Variants in TARDBP observed in about 807,000 individuals in gnomAD.
TARDBP encodes the protein TAR DNA-binding protein 43.
In TARDBP, 4 loss-of-function variants were observed where a neutral mutation model predicts 38.3. The ratio of observed to expected loss-of-function variants is 0.10; its 90% CI spans 0.05 to 0.24. The LOEUF is 0.24. Among genes scored for constraint, TARDBP ranks in the 10% least tolerant of loss-of-function variants. The pLI is 1.00. For synonymous variants in TARDBP, 184 were observed against 183.8 expected (o/e 1.00, Z -0.01); for missense variants, 202 against 521.9 (o/e 0.39, Z 5.97).
Position 11,024,973 on chromosome 1 carries a change from T to G in TARDBP, c.*2319T>G, listed in dbSNP as rs1557662346. The G allele has an allele frequency of 6.6e-6, 1 of 152,622 alleles. No homozygotes were observed. The highest frequency in any genetic ancestry group is 1.5e-5 in the Non-Finnish European group (1 of 68,036). The allele number at this position is 152,622 out of a possible 1,614,324, so 9.5% of individuals were successfully genotyped here. On this transcript the variant is annotated 3_prime_UTR_variant, in exon 6 of 6. Coordinates refer to ENST00000240185, the MANE Select transcript of TARDBP (RefSeq NM_007375.4). ...TAAACATTTATCAATGAAGTCATCC[T>G]TTAGACTTGTAATCGCCACATTGTT...
intron 4 of TARDBP, among the ~76,000 whole-genome samples, chr1:11,020,158 C>T (rs1643607997): frequency 6.6e-6 from 1 of 152,138 alleles, no homozygotes; most frequent in Admixed American, 6.5e-5. Flanking sequence ...CCACACCTGG[C>T]CACGATGATG....
At chr1:11,020,633 G>A in intron 5 of TARDBP, 34 bp downstream of exon 5, 1 of 1,599,290 alleles carries the variant, frequency 6.3e-7, no homozygotes, top group Non-Finnish European at 8.5e-7. Context: ...TCCCGGCCGG[G>A]CGTGGTGGCT....
chr1:11,027,052 C>A, downstream of TARDBP: 1 of 1,593,546 alleles, frequency 6.3e-7, no homozygotes, highest in African/African-American at 1.3e-5. Context: ...CCTCCGCTGT[C>A]ACCTCTGCAG....
rs1423544712 is a variant in TARDBP at position 11,025,040 on chromosome 1, TA to T, written c.*2388del. On this transcript the variant is annotated 3_prime_UTR_variant, in exon 6 of 6. Coordinates refer to ENST00000240185, the MANE Select transcript of TARDBP (RefSeq NM_007375.4). ...TCTGTAAAGGGATCTTGAGTTGTTTTAATTTTTTTTTTCTGCATCTGAATCT... is the reference window on the plus strand; with the variant it reads ...TCTGTAAAGGGATCTTGAGTTGTTTTATTTTTTTTTTCTGCATCTGAATCT... 1 of 152,652 alleles carries T rather than the reference TA, an allele frequency of 6.6e-6. No individual in the cohort carries two copies. Among genetic ancestry groups the T allele is most frequent in the Non-Finnish European group, 1.5e-5 (1 of 68,044 alleles). 9.5% of individuals were successfully genotyped at this position (152,652 alleles called of 1,614,324 possible). A position where few individuals can be genotyped will look rare whatever the true frequency, so the allele number is the denominator to read the frequency against.
intron 1 of TARDBP, 117 bp from the exon 2 acceptor site, chr1:11,013,599 A>C: frequency 1.2e-6 from 1 of 848,708 alleles, no homozygotes; most frequent in Non-Finnish European, 1.9e-6. Context: ...TGCATATACG[A>C]ATCCAGACAA....
downstream of TARDBP, chr1:11,026,807 G>T: frequency 1.6e-6 from 2 of 1,263,944 alleles, no homozygotes; most frequent in Non-Finnish European, 2.1e-6. Flanking sequence ...AATGATGAAT[G>T]CTTCTCGAGC....
At chr1:11,026,931 AC>A, downstream of TARDBP, 1 of 1,507,808 alleles carries the variant, frequency 6.6e-7, no homozygotes, top group Non-Finnish European at 8.9e-7. Flanking sequence ...ATAGTTAATA[AC>A]TTTTGTGTAG....
rs1174019163 is a variant in TARDBP at position 11,012,743 on chromosome 1, G to A, written c.-13G>A. 1.3e-5 allele frequency: 2 copies of A among 152,326 alleles called. No homozygotes were observed. Among genetic ancestry groups the A allele is most frequent in the African/African-American group, 4.8e-5 (2 of 41,476 alleles). The allele number at this position is 152,326 out of a possible 1,614,324, so 9.4% of individuals were successfully genotyped here. ...CGGGCTTCCCAGCAGCGGCCTAGCGGGTGAGTCGCGGAGCCTTCTCACTGA... is the reference window on the plus strand; with the variant it reads ...CGGGCTTCCCAGCAGCGGCCTAGCGAGTGAGTCGCGGAGCCTTCTCACTGA... On this transcript the variant is annotated splice_region_variant and 5_prime_UTR_variant, in exon 1 of 6. Coordinates refer to ENST00000240185, the MANE Select transcript of TARDBP (RefSeq NM_007375.4).
intron 5 of TARDBP, among the ~76,000 whole-genome samples, chr1:11,021,041 T>C (rs952580879): frequency 2.0e-5 from 3 of 152,230 alleles, no homozygotes; most frequent in Non-Finnish European, 4.4e-5. Flanking sequence ...ATGTTTGTGA[T>C]ACCTGTATCT....
chr1:11,012,881 G>A (rs1014950205), intron 1 of TARDBP, 138 bp downstream of exon 1: 4 of 152,358 alleles, frequency 2.6e-5, no homozygotes, highest in African/African-American at 4.8e-5. Context: ...CTGCCCGAGC[G>A]GGCTCGCGCG....
At chr1:11,028,158 G>T (rs1643772040), downstream of TARDBP, among the ~76,000 whole-genome samples, 1 of 151,906 alleles carries the variant, frequency 6.6e-6, no homozygotes, top group Admixed American at 6.6e-5. Context: ...GGAGGCGGAG[G>T]TTGCAGTAAG....
In TARDBP at chr1:11,016,829, G is replaced by T; in HGVS notation, c.239-15G>T. ...AAGTGAAGATTTCTAAAAGGTTTCT[G>T]CTCGTTTTATTTAGATAACAAAAGA... On this transcript the variant is annotated splice_polypyrimidine_tract_variant and intron_variant, in intron 2 of 5. Transcript: ENST00000240185. The T allele has an allele frequency of 1.2e-6, 2 of 1,613,336 alleles. No homozygotes were observed. Among genetic ancestry groups the T allele is most frequent in the Non-Finnish European group, 1.7e-6 (2 of 1,179,888 alleles).
chr1:11,020,317 A>T, intron 4 of TARDBP, 112 bp from the exon 5 acceptor site: 2 of 1,296,566 alleles, frequency 1.5e-6, no homozygotes, highest in Non-Finnish European at 2.2e-6. Context: ...TCTACTTTTT[A>T]ATGGTTCACT....
At chr1:11,014,508 A>C (rs1027749724) in intron 2 of TARDBP, among the ~76,000 whole-genome samples, 9 of 152,234 alleles carry the variant, frequency 5.9e-5, no homozygotes, top group African/African-American at 1.4e-4. Context: ...TGTGCCAAGG[A>C]AATACCTAAT....
At chr1:11,027,300 G>A (rs561094721), downstream of TARDBP, 84 of 1,613,910 alleles carry the variant, frequency 5.2e-5, no homozygotes, top group Non-Finnish European at 6.6e-5. Context: ...ACAAATAGGC[G>A]TGATGTTGCT....
At chr1:11,027,295 T>A, downstream of TARDBP, 1 of 1,613,966 alleles carries the variant, frequency 6.2e-7, no homozygotes, top group Non-Finnish European at 8.5e-7. Context: ...GGCAGACAAA[T>A]AGGCGTGATG....
At chr1:11,029,372 A>G (rs1264248834), downstream of TARDBP, among the ~76,000 whole-genome samples, 1 of 151,044 alleles carries the variant, frequency 6.6e-6, no homozygotes, top group Non-Finnish European at 1.5e-5. Context: ...CTGCACTCCA[A>G]CCTGGCAAGA....
Position 11,018,802 on chromosome 1 carries a change from C to G in TARDBP, c.472C>G (p.Gln158Glu). The change falls in exon 4 of 6, where the codon CAA becomes GAA. Residue 158 changes from glutamine (Q) to glutamate (E), a missense_variant. Around this residue, in one of 5 missense-constraint regions of TARDBP, gnomAD observed 71 missense variants for 185.4 expected, o/e 0.38. Transcript: ENST00000240185. ...GFVRFTEYETQVKVMSQRHMI... is the reference protein window; with the variant it reads ...GFVRFTEYETEVKVMSQRHMI... The stretch of plus-strand genomic sequence containing the variant: ...TGTTCGTTTTACGGAATATGAAACA[C>G]AAGTGAAAGTAATGTCACAGCGACA... The G allele has an allele frequency of 6.2e-7, 1 of 1,614,132 alleles. No homozygotes were observed. Among genetic ancestry groups the G allele is most frequent in the Non-Finnish European group, 8.5e-7 (1 of 1,180,022 alleles).
chr1:11,012,923 C>G (rs963370606), intron 1 of TARDBP, among the ~76,000 whole-genome samples, 180 bp downstream of exon 1: 1 of 152,206 alleles, frequency 6.6e-6, no homozygotes, highest in Non-Finnish European at 1.5e-5. Context: ...ACGGGGAGGC[C>G]GGTGGCGCCG....
Sources: allele counts gnomAD v4.1 joint callset (sites outside exome capture counted in the v4.1 genomes callset), GRCh38; gene constraint gnomAD v4.1.1; regional missense constraint gnomAD v4.1.1; transcripts MANE v1.5; gene names NCBI Gene and HGNC (gene_info 2026-07-23, HGNC 2026-07-21).